The following OPA1 variants were observed in gnomAD, a reference collection of about 807,000 sequenced individuals.
OPA1 encodes the protein dynamin-like GTPase OPA1, mitochondrial.
In OPA1, 59 loss-of-function variants were observed where a neutral mutation model predicts 152.9. That is an observed-to-expected ratio of 0.39 (90% CI 0.31 to 0.48). OPA1 has a LOEUF of 0.48. OPA1 is among the 20% of genes least tolerant of loss of function. The pLI is 0.96. For synonymous variants in OPA1, 400 were observed against 389.9 expected (o/e 1.03, Z -0.31); for missense variants, 1,008 against 1,216.8 (o/e 0.83, Z 2.55).
intron 21 of OPA1, among the ~76,000 whole-genome samples, chr3:193,653,244 A>G (rs1425534969): frequency 6.6e-6 from 1 of 152,208 alleles, no homozygotes; most frequent in East Asian, 1.9e-4. Flanking sequence ...GTAACTGGAA[A>G]GTGACCTGAA....
At position 193,688,449 on chromosome 3, in the gene OPA1, C is replaced by CTTTTT. The variant is rs766448341; in HGVS notation, c.2984-3571_2984-3567dup. Among the ~76,000 whole-genome samples, 4 of 63,360 alleles carry CTTTTT rather than the reference C, an allele frequency of 6.3e-5. 2 individuals carry two copies. Among genetic ancestry groups the CTTTTT allele is most frequent in the Non-Finnish European group, 1.3e-4 (4 of 30,308 alleles). 41.6% of individuals were successfully genotyped at this position (63,360 alleles called of 152,430 possible). A position where few individuals can be genotyped will look rare whatever the true frequency, so the allele number is the denominator to read the frequency against. On this transcript the variant is annotated intron_variant, in intron 29 of 30. Coordinates refer to ENST00000361510, the MANE Select transcript of OPA1 (RefSeq NM_130837.3). ...TGATTTTTACTGAAATGGGTCTTTT[C>CTTTTT]TTTTTTTTTTTTTTTTTTTTTTTTT...
intron 23 of OPA1, among the ~76,000 whole-genome samples, chr3:193,658,259 AAAAAAGAAAG>A (rs1714383620): frequency 6.7e-6 from 1 of 148,856 alleles, no homozygotes; most frequent in South Asian, 2.1e-4. Context: ...AAAAAAAAAA[AAAAAAGAAAG>A]AAAACCATAT....
At chr3:193,673,552 A>G (rs564361374) in intron 29 of OPA1, among the ~76,000 whole-genome samples, 3 of 152,342 alleles carry the variant, frequency 2.0e-5, no homozygotes, top group African/African-American at 4.8e-5. Flanking sequence ...GAGTTTTTCA[A>G]TGAGGTTGTG....
chr3:193,639,958 C>T (rs1733512289), intron 11 of OPA1, among the ~76,000 whole-genome samples: 1 of 151,988 alleles, frequency 6.6e-6, no homozygotes, highest in Admixed American at 6.6e-5. Context: ...TGTCAATCAT[C>T]AATGATGCCT....
chr3:193,615,564 A>G (rs1415574351), intron 2 of OPA1, 110 bp from the exon 3 acceptor site: 1 of 759,830 alleles, frequency 1.3e-6, no homozygotes, highest in South Asian at 1.5e-5. Flanking sequence ...AAAAGTTTTG[A>G]ACATAATACA....
intron 18 of OPA1, chr3:193,646,672 G>C (rs183400469): frequency 1.3e-5 from 2 of 155,286 alleles, no homozygotes; most frequent in African/African-American, 4.8e-5. Flanking sequence ...GCTGAGGCGG[G>C]AGAATCGCTT....
intron 1 of OPA1, among the ~76,000 whole-genome samples, chr3:193,610,592 G>A (rs1471350767): frequency 6.6e-6 from 1 of 152,208 alleles, no homozygotes; most frequent in African/African-American, 2.4e-5. Flanking sequence ...AGTCTGCAGA[G>A]GTTTCTGCTG....
intron 21 of OPA1, among the ~76,000 whole-genome samples, chr3:193,652,305 C>A (rs1330704423): frequency 1.3e-5 from 2 of 151,916 alleles, no homozygotes; most frequent in Non-Finnish European, 2.9e-5. Flanking sequence ...TCGCTTGAAC[C>A]CAGGAAGCGG....
In OPA1 at chr3:193,643,981, C is replaced by T; in HGVS notation, c.1484C>T (p.Ser495Phe). Residue 495 changes from serine to phenylalanine, a missense_variant, in exon 16 of 31, where the codon TCT becomes TTT. Ser to Phe is a radical substitution (Grantham distance 155). This residue lies in a region of OPA1 where 213 missense variants were observed against 291.4 expected (regional missense o/e 0.73). Transcript: ENST00000361510. ...ATTTTTTTATTTTTTTCAGATGGATCTGTGGATGCTGAACGCAGTATTGTT... is the reference window on the plus strand; with the variant it reads ...ATTTTTTTATTTTTTTCAGATGGATTTGTGGATGCTGAACGCAGTATTGTT... Reference protein sequence around the residue: ...NAIILCIQDGSVDAERSIVTD... With the variant: ...NAIILCIQDGFVDAERSIVTD... The T allele has an allele frequency of 6.2e-7, 1 of 1,613,434 alleles. No homozygotes were observed. Among genetic ancestry groups the T allele is most frequent in the Non-Finnish European group, 8.5e-7 (1 of 1,179,678 alleles).
Position 193,659,773 on chromosome 3 carries a change from CAAG to C in OPA1, c.2520+214_2520+216del, listed in dbSNP as rs754625277. On this transcript the variant is annotated intron_variant, in intron 25 of 30. Transcript: ENST00000361510. ...GTGAAGTAGCCATGTTGTTAAAAGA[CAAG>C]AGATGAAACATGCCCCTTTTGTGGT... Among the ~76,000 whole-genome samples the C allele has an allele frequency of 3.3e-5, 5 of 152,130 alleles. No individual in the cohort carries two copies. The East Asian group carries it at 7.7e-4, about 23-fold the overall frequency.
intron 7 of OPA1, among the ~76,000 whole-genome samples, chr3:193,631,065 T>G (rs951398891): frequency 2.0e-4 from 30 of 152,218 alleles, no homozygotes; most frequent in African/African-American, 6.5e-4. Context: ...CACTTAAATC[T>G]CTGAAAATGC....
At chr3:193,626,292 C>T (rs1382530454) in intron 7 of OPA1, 90 bp downstream of exon 7, 5 of 868,654 alleles carry the variant, frequency 5.8e-6, no homozygotes, top group Non-Finnish European at 9.7e-6. Flanking sequence ...TTCATGGACT[C>T]CAAATACAAG....
At chr3:193,684,123 A>G (rs1720590270) in intron 29 of OPA1, among the ~76,000 whole-genome samples, 1 of 152,178 alleles carries the variant, frequency 6.6e-6, no homozygotes, top group Admixed American at 6.5e-5. Flanking sequence ...TAAAGTGGAC[A>G]CTGAGTTAGA....
Position 193,667,156 on chromosome 3 carries a change from CT to C in OPA1, c.2873-11del, listed in dbSNP as rs778448880. 1.5e-6 allele frequency: 2 copies of C among 1,322,400 alleles called. No individual in the cohort carries two copies. Among genetic ancestry groups the C allele is most frequent in the South Asian group, 1.2e-5 (1 of 85,204 alleles). The allele number at this position is 1,322,400 out of a possible 1,614,324, so 81.9% of individuals were successfully genotyped here. On this transcript the variant is annotated splice_polypyrimidine_tract_variant and intron_variant, in intron 28 of 30. Transcript: ENST00000361510. ...AAACGATGCTCCTCAGGTTTTTTAACTTTCTTTAAACAGTTAGGCGATTAGA... is the reference window on the plus strand; with the variant it reads ...AAACGATGCTCCTCAGGTTTTTTAACTTCTTTAAACAGTTAGGCGATTAGA...
At chr3:193,642,909 C>T in intron 12 of OPA1, 64 bp downstream of exon 12, 1 of 1,563,590 alleles carries the variant, frequency 6.4e-7, no homozygotes, top group Non-Finnish European at 8.8e-7. Context: ...TTATAAAAGA[C>T]AGTTAAAGAA....
chr3:193,681,142 A>G (rs1365990903), intron 29 of OPA1, among the ~76,000 whole-genome samples: 19 of 152,220 alleles, frequency 1.2e-4, no homozygotes, highest in Admixed American at 1.2e-3. Context: ...AGCAGAAATA[A>G]AAATAATTTA....
chr3:193,638,372 G>A (rs1006909471), intron 11 of OPA1, among the ~76,000 whole-genome samples: 5 of 152,148 alleles, frequency 3.3e-5, no homozygotes, highest in African/African-American at 1.2e-4. Flanking sequence ...AATGAATATA[G>A]ATAATTTTCT....
At chr3:193,653,715 C>G (rs1428669570) in intron 21 of OPA1, among the ~76,000 whole-genome samples, 1 of 152,036 alleles carries the variant, frequency 6.6e-6, no homozygotes, top group Non-Finnish European at 1.5e-5. Context: ...GATAAGTTGT[C>G]ATATTTATAC....
At chr3:193,664,786 T>C (rs1716135988) in intron 26 of OPA1, 94 bp from the exon 27 acceptor site, 2 of 771,096 alleles carry the variant, frequency 2.6e-6, no homozygotes, top group African/African-American at 3.5e-5. Context: ...TAATTAACTT[T>C]TTTGGTAAAT....
Sources: gnomAD v4.1 joint callset for allele counts (sites outside exome capture counted in the v4.1 genomes callset) on GRCh38, gnomAD v4.1.1 for gene constraint, gnomAD v4.1.1 regional missense constraint, MANE v1.5 for transcripts, NCBI Gene and HGNC (gene_info 2026-07-23, HGNC 2026-07-21) for gene names.